The following PACSIN2 variants were observed in gnomAD, a reference collection of about 807,000 sequenced individuals.
PACSIN2 encodes protein kinase C and casein kinase substrate in neurons 2.
PACSIN2 carries 25 observed loss-of-function variants against 63.8 expected under a neutral mutation model. That is an observed-to-expected ratio of 0.39 (90% CI 0.29 to 0.55). The LOEUF (loss-of-function observed/expected upper bound fraction) is 0.55, where lower values mean the gene tolerates loss of function less well. Among genes scored for constraint, PACSIN2 ranks in the 20% least tolerant of loss-of-function variants. PACSIN2 has a pLI of 0.62. For synonymous variants in PACSIN2, 255 were observed against 256.2 expected (o/e 1.00, Z 0.05); for missense variants, 518 against 646.9 (o/e 0.80, Z 2.16).
chr22:42,897,667 G>A (rs1057396348), intron 2 of PACSIN2, among the ~76,000 whole-genome samples: 4 of 152,190 alleles, frequency 2.6e-5, no homozygotes, highest in African/African-American at 9.7e-5. Context: ...GGACTGCCTG[G>A]CAGACGGAGG....
At chr22:42,984,610 G>T (rs921690683) in intron 1 of PACSIN2, among the ~76,000 whole-genome samples, 2 of 152,186 alleles carry the variant, frequency 1.3e-5, no homozygotes, top group Non-Finnish European at 2.9e-5. Flanking sequence ...GGTTCCTGGT[G>T]CAAAAACTAC....
chr22:42,869,796 A>AT lies in PACSIN2; in HGVS notation c.*1560dup, dbSNP rs1203416015. On this transcript the variant is annotated 3_prime_UTR_variant, in exon 11 of 11. Transcript: ENST00000263246. ...TATGCACGAGATCAACTGTTTATTG[A>AT]TTTTTTTCCTCAAATACTACACATG... 6.6e-5 allele frequency: 10 copies of AT among 152,208 alleles called. No individual in the cohort carries two copies. The South Asian group carries it at 1.9e-3, about 28-fold the overall frequency. The allele number at this position is 152,208 out of a possible 1,614,324, so 9.4% of individuals were successfully genotyped here. A position where few individuals can be genotyped will look rare whatever the true frequency, so the allele number is the denominator to read the frequency against.
At chr22:42,983,592 G>T (rs1488670153) in intron 1 of PACSIN2, among the ~76,000 whole-genome samples, 2 of 150,624 alleles carry the variant, frequency 1.3e-5, no homozygotes, top group African/African-American at 4.9e-5. Flanking sequence ...GAAAGTAAAA[G>T]AAAAGGACAA....
At chr22:42,934,069 C>G (rs1932839074) in intron 1 of PACSIN2, among the ~76,000 whole-genome samples, 1 of 152,162 alleles carries the variant, frequency 6.6e-6, no homozygotes, top group Admixed American at 6.5e-5. Flanking sequence ...AGGCTTTTTC[C>G]CCATTGGAGA....
rs772941747 is a variant in PACSIN2 at position 42,893,622 on chromosome 22, G to C, written c.61-9C>G. 14 of 1,610,346 alleles carry C rather than the reference G, an allele frequency of 8.7e-6. No individual in the cohort carries two copies. The highest frequency in any genetic ancestry group is 2.2e-5 in the South Asian group (2 of 90,948). On this transcript the variant is annotated splice_polypyrimidine_tract_variant and intron_variant, in intron 2 of 10. Coordinates refer to ENST00000263246, the MANE Select transcript of PACSIN2 (RefSeq NM_001184970.3). The stretch of plus-strand genomic sequence containing the variant: ...CGCTTGTAGTTCCCGACCTAGGAGA[G>C]AGAACCAGCTGGGAGGCAGGGGGCT...
chr22:42,955,695 CT>C (rs936969845), intron 1 of PACSIN2, among the ~76,000 whole-genome samples: 5 of 152,214 alleles, frequency 3.3e-5, no homozygotes, highest in African/African-American at 4.8e-5. Flanking sequence ...TCCTTCATGG[CT>C]TTACAGTCTT....
chr22:42,999,407 T>C (rs184386232), intron 1 of PACSIN2, among the ~76,000 whole-genome samples: 5 of 152,324 alleles, frequency 3.3e-5, no homozygotes, highest in Admixed American at 3.3e-4. Flanking sequence ...TGGTGGCTCA[T>C]GCCTCTAATC....
intron 2 of PACSIN2, 47 bp from the exon 3 acceptor site, chr22:42,893,660 T>C: frequency 6.3e-7 from 1 of 1,584,922 alleles, no homozygotes; most frequent in South Asian, 1.1e-5. Context: ...GGGCAGCCTG[T>C]CCTTGGCTGT....
At chr22:42,916,790 C>T (rs1162660199) in intron 1 of PACSIN2, among the ~76,000 whole-genome samples, 2 of 152,198 alleles carry the variant, frequency 1.3e-5, no homozygotes, top group Non-Finnish European at 2.9e-5. Flanking sequence ...TCCTCGCAGG[C>T]ATGGAGAAGG....
intron 1 of PACSIN2, among the ~76,000 whole-genome samples, chr22:42,927,737 A>G (rs1442404426): frequency 6.6e-6 from 1 of 150,746 alleles, no homozygotes; most frequent in African/African-American, 2.5e-5. Flanking sequence ...AGAAGCATGC[A>G]CCACCACGTC....
chr22:43,003,323 TCG>T (rs1175816764), intron 1 of PACSIN2, among the ~76,000 whole-genome samples: 70 of 152,286 alleles, frequency 4.6e-4, no homozygotes, highest in African/African-American at 1.5e-3. Flanking sequence ...AAAACAAATA[TCG>T]GCTGGGCGCG....
intron 1 of PACSIN2, among the ~76,000 whole-genome samples, chr22:42,912,485 C>T (rs1931528075): frequency 6.6e-6 from 1 of 152,300 alleles, no homozygotes; most frequent in Admixed American, 6.5e-5. Flanking sequence ...TGGAGGTAAT[C>T]CCACCTTTGA....
At chr22:42,971,755 T>C (rs556456948) in intron 1 of PACSIN2, among the ~76,000 whole-genome samples, 83 of 145,544 alleles carry the variant, frequency 5.7e-4, no homozygotes, top group African/African-American at 2.1e-3. Context: ...GTCCGGGAGG[T>C]GGGGGGTAGC....
Position 42,886,415 on chromosome 22 carries a change from T to G in PACSIN2, c.610-1854A>C, listed in dbSNP as rs868771515. ...TGCAACCAGTCAGCAATGGTATGTA[T>G]GTAGGTAGGTAGGTAGGTAGGTAGG... On this transcript the variant is annotated intron_variant, in intron 5 of 10. Transcript: ENST00000263246. 4.8e-3 allele frequency among the ~76,000 whole-genome samples: 690 copies of G among 144,976 alleles called. 7 individuals carry two copies. Among genetic ancestry groups the G allele is most frequent in the East Asian group, 0.026 (130 of 4,916 alleles).
At chr22:42,972,291 C>T (rs1259609872) in intron 1 of PACSIN2, among the ~76,000 whole-genome samples, 2 of 152,140 alleles carry the variant, frequency 1.3e-5, no homozygotes, top group Non-Finnish European at 2.9e-5. Context: ...CTTTGTTAAA[C>T]AGATGCTTGA....
intron 1 of PACSIN2, among the ~76,000 whole-genome samples, chr22:42,994,062 C>A (rs1052404085): frequency 6.6e-6 from 1 of 152,168 alleles, no homozygotes; most frequent in African/African-American, 2.4e-5. Flanking sequence ...AAGCCGAAAT[C>A]AAATATGAGC....
chr22:42,892,227 G>A (rs763277842), intron 3 of PACSIN2, among the ~76,000 whole-genome samples: 11 of 152,174 alleles, frequency 7.2e-5, no homozygotes, highest in Non-Finnish European at 1.0e-4. Context: ...CCACAACGGA[G>A]CCGGGGCAGA....
intron 1 of PACSIN2, among the ~76,000 whole-genome samples, chr22:43,009,501 G>A (rs1034208991): frequency 6.6e-5 from 10 of 152,192 alleles, no homozygotes; most frequent in South Asian, 2.1e-4. Flanking sequence ...GTCCCCCTTC[G>A]TGGGAAGGGG....
chr22:42,983,128 C>T (rs192261170), intron 1 of PACSIN2, among the ~76,000 whole-genome samples: 1 of 151,768 alleles, frequency 6.6e-6, no homozygotes, highest in East Asian at 1.9e-4. Context: ...ACCAGCCTGG[C>T]CAACATGGTA....
Sources: gnomAD v4.1 joint callset for allele counts (sites outside exome capture counted in the v4.1 genomes callset) on GRCh38, gnomAD v4.1.1 for gene constraint, MANE v1.5 for transcripts, NCBI Gene and HGNC (gene_info 2026-07-23, HGNC 2026-07-21) for gene names.